Variants in PRPF40B observed in about 807,000 individuals in gnomAD.
The protein encoded by PRPF40B is pre-mRNA processing factor 40B.
Under a neutral mutation model 124.5 loss-of-function variants are expected in PRPF40B, and 56 were observed. The observed-to-expected ratio is 0.45, with a 90% CI of 0.36 to 0.56. PRPF40B has a LOEUF of 0.56. Ranked by LOEUF, PRPF40B falls within the 20% of genes least tolerant of loss-of-function variation. The pLI is 0.00. For missense variants in PRPF40B, 1,053 were observed against 1,169.5 expected, an observed-to-expected ratio of 0.90 and a Z score of 1.45; for synonymous variants, 443 against 426.4, an observed-to-expected ratio of 1.04 and a Z score of -0.48.
intron 23 of PRPF40B, 38 bp from the exon 24 acceptor site, chr12:49,643,653 C>A (rs763611565): frequency 1.3e-6 from 2 of 1,596,176 alleles, no homozygotes; most frequent in Non-Finnish European, 1.7e-6. Context: ...GCCTGTCTTT[C>A]TCCTGTTGGG....
At position 49,631,560 on chromosome 12, in the gene PRPF40B, C is replaced by T; in HGVS notation, c.228+16C>T. 1 of 1,544,674 alleles carries T rather than the reference C, an allele frequency of 6.5e-7. No homozygotes were observed. Among genetic ancestry groups the T allele is most frequent in the Non-Finnish European group, 8.7e-7 (1 of 1,150,170 alleles). On this transcript the variant is annotated intron_variant, in intron 3 of 25. Transcript: ENST00000548825. The surrounding 1 kb of genome is among the most constrained non-coding windows in gnomAD (Gnocchi z 4.3). ...ACTCACACAGGTAATTGTCTCTCCT[C>T]CCCTGGGGCCTCAGAAAACCCTGTC... is the stretch of plus-strand genomic sequence containing the variant.
intron 18 of PRPF40B, 190 bp from the exon 19 acceptor site, chr12:49,641,718 G>A (rs556969163): frequency 3.4e-6 from 2 of 587,952 alleles, no homozygotes; most frequent in African/African-American, 3.7e-5. Flanking sequence ...TCCAAACCAA[G>A]GGTAGGCATG....
In PRPF40B at chr12:49,637,714, C is replaced by A. The variant is rs201358204; in HGVS notation, c.1676-19C>A. 21 of 1,536,902 alleles carry A rather than the reference C, an allele frequency of 1.4e-5. No homozygotes were observed. The highest frequency in any genetic ancestry group is 1.0e-4 in the Admixed American group (6 of 58,412). On this transcript the variant is annotated intron_variant, in intron 17 of 25. Coordinates refer to ENST00000548825, the MANE Select transcript of PRPF40B (RefSeq NM_001031698.3). ...GGGAAGCTGCCGCCCGCCAGGCCCCCCTCCCTCCCTCCTTACAGGCTCCAC... is the reference window on the plus strand; with the variant it reads ...GGGAAGCTGCCGCCCGCCAGGCCCCACTCCCTCCCTCCTTACAGGCTCCAC...
chr12:49,635,846 C>T lies in PRPF40B; in HGVS notation c.1279C>T (p.Gln427Ter). ...LFFLAKKEKE[Q>*]AKQLRRRNIQ... ...CCCTGATCCTGTGGCTCCCTAGGAACAGGCCAAGCAGCTCCGGCGCCGCAA... is the reference window on the plus strand; with the variant it reads ...CCCTGATCCTGTGGCTCCCTAGGAATAGGCCAAGCAGCTCCGGCGCCGCAA... The change falls in exon 15 of 26, where the codon CAG becomes TAG. Residue 427 changes from glutamine to a stop codon, truncating the protein, a stop_gained. Coordinates refer to ENST00000548825, the MANE Select transcript of PRPF40B (RefSeq NM_001031698.3). LOFTEE classifies it high-confidence loss of function. This position sits in a 1 kb window ranked among gnomAD's most constrained non-coding sequence, Gnocchi z 4.1. 6.2e-7 allele frequency: 1 copy of T among 1,613,738 alleles called. No individual in the cohort carries two copies. The highest frequency in any genetic ancestry group is 8.5e-7 in the Non-Finnish European group (1 of 1,179,908).
Position 49,642,956 on chromosome 12 carries a change from AG to A in PRPF40B, c.2147del (p.Gly716AlafsTer157). On this transcript the variant is annotated frameshift_variant, in exon 22 of 26. Transcript: ENST00000548825. LOFTEE classifies it high-confidence loss of function. This position sits in a 1 kb window ranked among gnomAD's most constrained non-coding sequence, Gnocchi z 5.8. ...CTGAATGCCAGCACCTCCACACCAAAGGCCGAAAGCATGGCAGGAAAGGCAA... is the reference window on the plus strand; with the variant it reads ...CTGAATGCCAGCACCTCCACACCAAAGCCGAAAGCATGGCAGGAAAGGCAA... The part of the protein sequence containing the change: ...ETECQHLHTK[G>X]RKHGRKGKKH... The A allele has an allele frequency of 6.2e-7, 1 of 1,613,746 alleles. No homozygotes were observed. The highest frequency in any genetic ancestry group is 8.5e-7 in the Non-Finnish European group (1 of 1,179,810).
intron 18 of PRPF40B, chr12:49,641,602 G>C: frequency 2.8e-6 from 1 of 360,300 alleles, no homozygotes; most frequent in South Asian, 4.1e-5. Flanking sequence ...GGAGGGCCCA[G>C]CTGGGGCCAG....
chr12:49,633,488 A>C lies in PRPF40B; in HGVS notation c.521A>C (p.Tyr174Ser). Residue 174 changes from tyrosine (Y) to serine (S), a missense_variant, in exon 8 of 26, where the codon TAT (tyrosine) becomes TCT (serine). Physicochemically the swap from Tyr to Ser is moderately radical, Grantham distance 144 (BLOSUM62 -2). Transcript: ENST00000548825. The part of the protein sequence containing the change: ...YKSDTGKPYY[Y>S]NNQSKESRWT... ...TCGGACACAGGCAAACCTTATTACTATAACAACCAGAGTAAAGAGTCCCGC... is the reference window on the plus strand; with the variant it reads ...TCGGACACAGGCAAACCTTATTACTCTAACAACCAGAGTAAAGAGTCCCGC... The C allele has an allele frequency of 6.2e-7, 1 of 1,614,188 alleles. No homozygotes were observed. Among genetic ancestry groups the C allele is most frequent in the Non-Finnish European group, 8.5e-7 (1 of 1,180,028 alleles).
chr12:49,624,139 A>G (rs1034952817), intron 1 of PRPF40B: 1 of 985,826 alleles, frequency 1.0e-6, no homozygotes, highest in Non-Finnish European at 1.2e-6. Context: ...AGCCCAGGCC[A>G]TCAACAAACT....
At position 49,631,980 on chromosome 12, in the gene PRPF40B, G is replaced by C. The variant is rs1353110554; in HGVS notation, c.294+55G>C. On this transcript the variant is annotated intron_variant, in intron 4 of 25. Transcript: ENST00000548825. The surrounding 1 kb of genome is among the most constrained non-coding windows in gnomAD (Gnocchi z 4.3). ...CTCTGCCCTGCAGTCCCGTGAGTCT[G>C]ACTTGGAATGCAGGACTATGACCTC... is the stretch of plus-strand genomic sequence containing the variant. 6 of 1,528,372 alleles carry C rather than the reference G, an allele frequency of 3.9e-6. No homozygotes were observed. Among genetic ancestry groups the C allele is most frequent in the Non-Finnish European group, 5.4e-6 (6 of 1,103,028 alleles). The allele number at this position is 1,528,372 out of a possible 1,614,324, so 94.7% of individuals were successfully genotyped here.
rs1943065394 is a variant in PRPF40B, at chr12:49,644,419, T to C, written c.*227T>C. ...CTTGCCCTCAGCCCCAGACCAGAGA[T>C]GGGTGGTATATGCCATGTGGGGTGG... is the stretch of plus-strand genomic sequence containing the variant. On this transcript the variant is annotated 3_prime_UTR_variant, in exon 26 of 26. Transcript: ENST00000548825. 3 of 564,534 alleles carry C rather than the reference T, an allele frequency of 5.3e-6. No individual in the cohort carries two copies. The Admixed American group carries it at 9.0e-5, about 17-fold the overall frequency. 35.0% of individuals were successfully genotyped at this position (564,534 alleles called of 1,614,324 possible).
In PRPF40B at chr12:49,637,629, T is replaced by C. The variant is rs373466048; in HGVS notation, c.1675+45T>C. ...CCTTCTCTGGCCTGGCTTCCTGCCC[T>C]GCCAGCCTCTCTGCACCCCCTACTA... On this transcript the variant is annotated intron_variant, in intron 17 of 25. Transcript: ENST00000548825. The C allele has an allele frequency of 2.6e-4, 409 of 1,583,832 alleles. 3 individuals carry two copies. The highest frequency in any genetic ancestry group is 8.4e-5 in the Admixed American group (5 of 59,762).
Position 49,641,989 on chromosome 12 carries a change from C to T in PRPF40B, c.1849C>T (p.Leu617=), listed in dbSNP as rs1565849543. Residue 617 remains leucine (L), a synonymous_variant, in exon 19 of 26, where the codon CTG becomes TTG. Coordinates refer to ENST00000548825, the MANE Select transcript of PRPF40B (RefSeq NM_001031698.3). The part of the protein sequence containing the change: ...VISFDKRAAA[L]DAGNIKLTFN... ...AAGCTTTGACAAGAGGGCTGCCGCA[C>T]TGGACGCAGGCAACATCAAGCTGAC... 2 of 1,613,702 alleles carry T rather than the reference C, an allele frequency of 1.2e-6. No individual in the cohort carries two copies. The highest frequency in any genetic ancestry group is 1.7e-6 in the Non-Finnish European group (2 of 1,180,038).
Position 49,642,835 on chromosome 12 carries a change from T to C in PRPF40B, c.2119-95T>C, listed in dbSNP as rs184250685. Reference sequence around the variant, plus strand: ...CTGGGATAGGCAGAAGGCTCTAGTCTGAGAAAGGGAGGCAAAGCCAGATTT... The same window carrying C: ...CTGGGATAGGCAGAAGGCTCTAGTCCGAGAAAGGGAGGCAAAGCCAGATTT... On this transcript the variant is annotated intron_variant, in intron 21 of 25. Transcript: ENST00000548825. This position sits in a 1 kb window ranked among gnomAD's most constrained non-coding sequence, Gnocchi z 5.8. 2.4e-4 allele frequency: 349 copies of C among 1,463,646 alleles called. 2 individuals are homozygous for C. In the Admixed American group the frequency reaches 6.8e-3, roughly 28 times the overall value. The allele number at this position is 1,463,646 out of a possible 1,614,324, so 90.7% of individuals were successfully genotyped here. A position where few individuals can be genotyped will look rare whatever the true frequency, so the allele number is the denominator to read the frequency against.
intron 1 of PRPF40B, among the ~76,000 whole-genome samples, chr12:49,624,404 C>G (rs1940510520): frequency 6.6e-6 from 1 of 151,998 alleles, no homozygotes; most frequent in Non-Finnish European, 1.5e-5. Context: ...AGACAGAAAG[C>G]CTGCCGGGCT....
rs1941497026 is a variant in PRPF40B at position 49,633,987 on chromosome 12, GCCT to G, written c.711_713del (p.Leu238del). On this transcript the variant is annotated inframe_deletion, in exon 10 of 26. Coordinates refer to ENST00000548825, the MANE Select transcript of PRPF40B (RefSeq NM_001031698.3). ...CCTGGCCCCACCCCAGTGCCCACAG[GCCT>G]CCTGGAACCTGAGCCAGGTGGGAGT... The G allele has an allele frequency of 6.2e-7, 1 of 1,614,196 alleles. No individual in the cohort carries two copies. Among genetic ancestry groups the G allele is most frequent in the Non-Finnish European group, 8.5e-7 (1 of 1,180,022 alleles).
Position 49,633,924 on chromosome 12 carries a change from A to G in PRPF40B, c.644A>G (p.Gln215Arg). 1 of 1,614,164 alleles carries G rather than the reference A, an allele frequency of 6.2e-7. No individual in the cohort carries two copies. The highest frequency in any genetic ancestry group is 1.1e-5 in the South Asian group (1 of 91,086). The change falls in exon 10 of 26, where the codon CAG becomes CGG. Residue 215 changes from glutamine (Q) to arginine (R), a missense_variant. Transcript: ENST00000548825. Reference sequence around the variant, plus strand: ...CAGCTGCCACAGACACTTCAGCCACAGCCACCTCAGCCACAGCCTGACCCC... The same window carrying G: ...CAGCTGCCACAGACACTTCAGCCACGGCCACCTCAGCCACAGCCTGACCCC... ...QQQLPQTLQP[Q>R]PPQPQPDPPP... is the part of the protein sequence containing the mutation.
rs375164506 is a variant in PRPF40B at position 49,642,573 on chromosome 12, G to C, written c.2023-7G>C. On this transcript the variant is annotated splice_polypyrimidine_tract_variant and splice_region_variant and intron_variant, in intron 20 of 25. Transcript: ENST00000548825. This position sits in a 1 kb window ranked among gnomAD's most constrained non-coding sequence, Gnocchi z 5.8. ...TAGTCTGATCAGCAGTGCTCTCCTC[G>C]TTCAAGGTCCGTGAGCGTTTTGTGT... 1 of 1,614,174 alleles carries C rather than the reference G, an allele frequency of 6.2e-7. No homozygotes were observed. The highest frequency in any genetic ancestry group is 1.1e-5 in the South Asian group (1 of 91,066).
upstream of PRPF40B, chr12:49,623,399 C>T: frequency 2.8e-6 from 1 of 361,952 alleles, no homozygotes; most frequent in Non-Finnish European, 4.4e-6. Context: ...TTCTCCGTGC[C>T]GGGGGGGCGG....
At chr12:49,637,894 G>C (rs973530838) in intron 18 of PRPF40B, 70 bp downstream of exon 18, 24 of 1,287,882 alleles carry the variant, frequency 1.9e-5, no homozygotes, top group Non-Finnish European at 2.7e-5. Context: ...AGGACTCCCT[G>C]ATAAGTCCTG....
Sources: gnomAD v4.1 joint callset for allele counts (sites outside exome capture counted in the v4.1 genomes callset) on GRCh38, gnomAD v4.1.1 for gene constraint, Gnocchi (gnomAD v3.1) non-coding constraint, MANE v1.5 for transcripts, NCBI Gene and HGNC (gene_info 2026-07-23, HGNC 2026-07-21) for gene names.